ANKRD36C: variants seen among roughly 807,000 people sequenced by gnomAD.
ANKRD36C encodes the protein ankyrin repeat domain 36C.
In ANKRD36C, 61 loss-of-function variants were observed where a neutral mutation model predicts 276.4. The ratio of observed to expected loss-of-function variants is 0.22; its 90% CI spans 0.18 to 0.27. The LOEUF (loss-of-function observed/expected upper bound fraction) is 0.27. Among genes scored for constraint, ANKRD36C ranks in the 10% least tolerant of loss-of-function variants. The pLI, the probability that ANKRD36C is intolerant of heterozygous loss-of-function variation, is 1.00. For synonymous variants in ANKRD36C, 483 were observed against 680.1 expected, an observed-to-expected ratio of 0.71 and a Z score of 4.51; for missense variants, 1,447 against 2,032.3, an observed-to-expected ratio of 0.71 and a Z score of 5.54.
intron 52 of ANKRD36C, among the ~76,000 whole-genome samples, chr2:95,885,702 G>A (rs1467618107): frequency 6.6e-6 from 1 of 151,768 alleles, no homozygotes; most frequent in Non-Finnish European, 1.5e-5. Context: ...ATGATCTGAC[G>A]CCTATAATAT....
intron 6 of ANKRD36C, among the ~76,000 whole-genome samples, chr2:95,970,248 C>A (rs1453446795): frequency 6.6e-6 from 1 of 152,170 alleles, no homozygotes; most frequent in Non-Finnish European, 1.5e-5. Context: ...CACTAATCCT[C>A]TCCTAGGGAA....
At chr2:95,849,552 A>C (rs911797891), downstream of ANKRD36C, among the ~76,000 whole-genome samples, 8 of 152,184 alleles carry the variant, frequency 5.3e-5, no homozygotes, top group Admixed American at 5.2e-4. Context: ...AGCGTATTAC[A>C]TCTATTGTGC....
intron 6 of ANKRD36C, among the ~76,000 whole-genome samples, chr2:95,964,703 C>G (rs1270970714): frequency 6.6e-6 from 1 of 152,034 alleles, no homozygotes; most frequent in African/African-American, 2.4e-5. Flanking sequence ...TCTATCATCT[C>G]TTATTTTGTC....
At chr2:95,987,327 A>T in intron 1 of ANKRD36C, 121 bp from the exon 2 acceptor site, 1 of 1,437,748 alleles carries the variant, frequency 7.0e-7, no homozygotes, top group Non-Finnish European at 9.2e-7. Flanking sequence ...GTTAGCGCTT[A>T]TTACCACATT....
chr2:95,917,578 T>C (rs1677137944), intron 36 of ANKRD36C, among the ~76,000 whole-genome samples: 1 of 151,524 alleles, frequency 6.6e-6, no homozygotes, highest in South Asian at 2.1e-4. Flanking sequence ...AACTATGCTG[T>C]TCCCCAGAGC....
chr2:95,923,372 G>A (rs1219859118), intron 32 of ANKRD36C, 123 bp downstream of exon 32: 4 of 1,312,486 alleles, frequency 3.0e-6, no homozygotes, highest in Non-Finnish European at 4.2e-6. Context: ...TACAAATGAA[G>A]AATCTCCGGC....
intron 55 of ANKRD36C, 47 bp downstream of exon 75, chr2:95,882,422 T>C: frequency 1.3e-6 from 2 of 1,546,838 alleles, no homozygotes; most frequent in Non-Finnish European, 8.7e-7. Context: ...ATATATTTCA[T>C]AGGCTATGCA....
chr2:95,916,612 A>G (rs1230939065), intron 36 of ANKRD36C, among the ~76,000 whole-genome samples: 1 of 151,624 alleles, frequency 6.6e-6, no homozygotes, highest in Non-Finnish European at 1.5e-5. Flanking sequence ...TAACTTGCCC[A>G]ATAACTGAGA....
At chr2:95,869,619 G>A (rs1221995720) in intron 59 of ANKRD36C, among the ~76,000 whole-genome samples, 4 of 152,224 alleles carry the variant, frequency 2.6e-5, no homozygotes, top group African/African-American at 4.8e-5. Context: ...TTCCATCTGA[G>A]GTACCAGGTT....
At chr2:95,962,880 C>G (rs78689810) in intron 6 of ANKRD36C, among the ~76,000 whole-genome samples, 77 of 151,686 alleles carry the variant, frequency 5.1e-4, no homozygotes, top group East Asian at 9.7e-4. Flanking sequence ...CATGCACCTG[C>G]GAATCAATGT....
intron 44 of ANKRD36C, 116 bp from the exon 59 acceptor site, chr2:95,897,581 G>A: frequency 3.8e-6 from 5 of 1,323,780 alleles, no homozygotes; most frequent in Non-Finnish European, 5.2e-6. Flanking sequence ...CGTAGGCTTT[G>A]ATGGCTTCTA....
At chr2:95,976,607 G>A (rs1221366632) in intron 6 of ANKRD36C, among the ~76,000 whole-genome samples, 1 of 152,152 alleles carries the variant, frequency 6.6e-6, no homozygotes, top group Non-Finnish European at 1.5e-5. Context: ...GTACTCAGAA[G>A]TCAAGACCAT....
intron 28 of ANKRD36C, among the ~76,000 whole-genome samples, chr2:95,926,115 C>A (rs1222142100): frequency 2.0e-5 from 3 of 151,550 alleles, no homozygotes; most frequent in Non-Finnish European, 4.4e-5. Flanking sequence ...ATATAATATT[C>A]TTTATTTCTC....
At chr2:95,936,626 T>G (rs1677725467) in intron 22 of ANKRD36C, among the ~76,000 whole-genome samples, 1 of 151,428 alleles carries the variant, frequency 6.6e-6, no homozygotes. Context: ...GTTCTCAGGT[T>G]TCCTCATCAG....
chr2:95,925,285 A>C (rs1475848731), intron 30 of ANKRD36C, 67 bp downstream of exon 30: 1 of 1,543,966 alleles, frequency 6.5e-7, no homozygotes, highest in Non-Finnish European at 8.7e-7. Context: ...CCACTGATCT[A>C]TTCAGGGGTG....
In ANKRD36C at chr2:95,919,609, C is replaced by A. The variant is rs183926614; in HGVS notation, c.2246-1567G>T. The A allele has an allele frequency of 6.9e-3, 3,402 of 489,726 alleles. 454 individuals are homozygous for A. The highest frequency in any genetic ancestry group is 7.5e-3 in the African/African-American group (344 of 45,898). The allele number at this position is 489,726 out of a possible 1,614,324, so 30.3% of individuals were successfully genotyped here. ...TTTATTACAAATGAAAAATCTCAGG[C>A]CTGCTGAATCAGAATGTGCAGCTTC... is the stretch of plus-strand genomic sequence containing the variant. On this transcript the variant is annotated intron_variant, in intron 34 of 66. Coordinates refer to ENST00000456556, the Ensembl canonical transcript of ANKRD36C.
chr2:95,911,328 AGTTTTACATTC>A (rs1676917254), intron 42 of ANKRD36C, among the ~76,000 whole-genome samples: 1 of 151,362 alleles, frequency 6.6e-6, no homozygotes, highest in South Asian at 2.1e-4. Context: ...GATATTAATA[AGTTTTACATTC>A]AGAAATCATT....
intron 3 of ANKRD36C, among the ~76,000 whole-genome samples, chr2:95,983,662 G>A (rs1367779162): frequency 6.6e-6 from 1 of 151,568 alleles, no homozygotes; most frequent in East Asian, 1.9e-4. Context: ...CCAGGCTGGA[G>A]TGCAGTGGTG....
At chr2:95,973,600 A>C (rs1037808222) in intron 6 of ANKRD36C, among the ~76,000 whole-genome samples, 8 of 152,232 alleles carry the variant, frequency 5.3e-5, no homozygotes, top group Non-Finnish European at 1.0e-4. Flanking sequence ...TAAAACTAAA[A>C]ATCATCTGTT....
Sources: gnomAD v4.1 joint callset for allele counts (sites outside exome capture counted in the v4.1 genomes callset) on GRCh38, gnomAD v4.1.1 for gene constraint, MANE v1.5 for transcripts, NCBI Gene and HGNC (gene_info 2026-07-23, HGNC 2026-07-21) for gene names.